SLC44A5: variants seen among roughly 807,000 people sequenced by gnomAD.
SLC44A5 encodes the protein solute carrier family 44 member 5.
Under a neutral mutation model 101.8 loss-of-function variants are expected in SLC44A5, and 57 were observed. That is an observed-to-expected ratio of 0.56 (90% CI 0.45 to 0.70). The LOEUF (loss-of-function observed/expected upper bound fraction) is 0.70, where lower values mean the gene tolerates loss of function less well. SLC44A5 is among the 30% of genes least tolerant of loss of function. The pLI, the probability that SLC44A5 is intolerant of heterozygous loss-of-function variation, is 0.00. For synonymous variants in SLC44A5, 281 were observed against 290.9 expected, an observed-to-expected ratio of 0.97 and a Z score of 0.35; for missense variants, 737 against 853.1, an observed-to-expected ratio of 0.86 and a Z score of 1.70.
chr1:75,231,685 A>G (rs951382230), intron 12 of SLC44A5, among the ~76,000 whole-genome samples: 7 of 152,324 alleles, frequency 4.6e-5, no homozygotes, highest in African/African-American at 1.7e-4. Flanking sequence ...GTAGTCACAT[A>G]TTCCTGTTAT....
chr1:75,517,359 A>G (rs1355824084), intron 2 of SLC44A5, among the ~76,000 whole-genome samples: 1 of 152,134 alleles, frequency 6.6e-6, no homozygotes, highest in African/African-American at 2.4e-5. Context: ...CCAAGGCACA[A>G]TAGATTGAAA....
intron 3 of SLC44A5, among the ~76,000 whole-genome samples, chr1:75,348,477 G>C (rs1658414428): frequency 6.6e-6 from 1 of 152,038 alleles, no homozygotes; most frequent in African/African-American, 2.4e-5. Context: ...ATCCACCATA[G>C]CCTTAAGAAT....
chr1:75,669,405 G>A, the SLC44A5 span, among the ~76,000 whole-genome samples: 1 of 152,072 alleles, frequency 6.6e-6, no homozygotes, highest in Non-Finnish European at 1.5e-5. Flanking sequence ...ACAAACTTTA[G>A]TCAAAGGCCT....
At chr1:75,357,643 G>C (rs1041369677) in intron 3 of SLC44A5, among the ~76,000 whole-genome samples, 1 of 152,136 alleles carries the variant, frequency 6.6e-6, no homozygotes. Flanking sequence ...CTGCAAGCTG[G>C]ACTTTGAAAG....
chr1:75,357,480 C>T (rs1659167096), intron 3 of SLC44A5, among the ~76,000 whole-genome samples: 1 of 152,172 alleles, frequency 6.6e-6, no homozygotes, highest in African/African-American at 2.4e-5. Flanking sequence ...AACAACTCCT[C>T]TTGTGAAGCA....
intron 4 of SLC44A5, among the ~76,000 whole-genome samples, chr1:75,308,576 G>A (rs189595182): frequency 4.5e-4 from 68 of 152,280 alleles, no homozygotes; most frequent in Non-Finnish European, 7.6e-4. Flanking sequence ...AAGTGAAAGC[G>A]AGATCACAGT....
At chr1:75,608,708 A>G (rs1024970493) in intron 1 of SLC44A5, among the ~76,000 whole-genome samples, 2 of 151,840 alleles carry the variant, frequency 1.3e-5, no homozygotes, top group African/African-American at 4.8e-5. Flanking sequence ...CATACCAGGT[A>G]TATTTTCACT....
the SLC44A5 span, chr1:75,723,734 T>A: frequency 3.3e-5 from 5 of 152,320 alleles, no homozygotes; most frequent in Admixed American, 3.3e-4. Flanking sequence ...CTTTTCCGAA[T>A]TTTCCTGGTA....
intron 2 of SLC44A5, among the ~76,000 whole-genome samples, chr1:75,448,243 A>G (rs1430014949): frequency 6.6e-6 from 1 of 152,228 alleles, no homozygotes; most frequent in Non-Finnish European, 1.5e-5. Context: ...CTATTCAAGA[A>G]TCTGGGCTTT....
intron 1 of SLC44A5, among the ~76,000 whole-genome samples, chr1:75,549,866 C>T (rs1037312072): frequency 4.0e-5 from 6 of 151,870 alleles, no homozygotes; most frequent in East Asian, 3.9e-4. Flanking sequence ...TGTAAAGGCT[C>T]GGGAAATTGG....
intron 2 of SLC44A5, among the ~76,000 whole-genome samples, chr1:75,437,618 T>C (rs1039712726): frequency 1.3e-5 from 2 of 152,110 alleles, no homozygotes; most frequent in Non-Finnish European, 2.9e-5. Flanking sequence ...CAGTTATTGT[T>C]AATGAAATAA....
intron 1 of SLC44A5, 98 bp from the exon 2 acceptor site, chr1:75,541,614 T>C (rs1671358993): frequency 1.5e-6 from 1 of 652,854 alleles, no homozygotes; most frequent in Admixed American, 3.0e-5. Context: ...CTTACTATAA[T>C]TTACTCTCCC....
At chr1:75,338,103 C>A (rs556519412) in intron 4 of SLC44A5, among the ~76,000 whole-genome samples, 1 of 152,304 alleles carries the variant, frequency 6.6e-6, no homozygotes, top group African/African-American at 2.4e-5. Flanking sequence ...CCTGGTTTTA[C>A]AATGCTTTCC....
intron 4 of SLC44A5, among the ~76,000 whole-genome samples, chr1:75,332,224 A>G (rs1282920564): frequency 1.3e-5 from 2 of 152,220 alleles, no homozygotes; most frequent in Non-Finnish European, 2.9e-5. Flanking sequence ...AGTAAAAAGA[A>G]CTGTATAATC....
At chr1:75,366,959 T>C (rs1364863305) in intron 3 of SLC44A5, among the ~76,000 whole-genome samples, 1 of 152,238 alleles carries the variant, frequency 6.6e-6, no homozygotes, top group Non-Finnish European at 1.5e-5. Context: ...CTATCTATGT[T>C]ATCTTACATC....
intron 6 of SLC44A5, among the ~76,000 whole-genome samples, chr1:75,254,627 A>C (rs201496858): frequency 6.6e-6 from 1 of 152,122 alleles, no homozygotes; most frequent in South Asian, 2.1e-4. Context: ...ACAATTTTAC[A>C]GGAGAGTTCA....
Position 75,288,109 on chromosome 1 carries a change from A to G in SLC44A5, c.175+12503T>C, listed in dbSNP as rs565047676. On this transcript the variant is annotated intron_variant, in intron 5 of 23. Transcript: ENST00000370859. ...ACAGAGCCTCAGCAGCAAGCCCAAA[A>G]AAAACTTTTATATTTGAAGGAAATA... 7.9e-5 allele frequency among the ~76,000 whole-genome samples: 12 copies of G among 152,252 alleles called. No individual in the cohort carries two copies. The South Asian group carries it at 2.5e-3, about 32-fold the overall frequency.
intron 16 of SLC44A5, 143 bp downstream of exon 16, chr1:75,219,114 T>C (rs1647023194): frequency 3.0e-6 from 2 of 657,180 alleles, no homozygotes; most frequent in East Asian, 2.7e-5. Context: ...GCTTACCTGA[T>C]GCACACTCCC....
chr1:75,615,428 CACAT>C (rs1485871471), upstream of SLC44A5, among the ~76,000 whole-genome samples: 3 of 95,888 alleles, frequency 3.1e-5, no homozygotes, highest in African/African-American at 1.1e-4. Flanking sequence ...CACACACACA[CACAT>C]ACATACACAC....
Sources: allele counts gnomAD v4.1 joint callset (sites outside exome capture counted in the v4.1 genomes callset), GRCh38; gene constraint gnomAD v4.1.1; transcripts MANE v1.5; gene names NCBI Gene and HGNC (gene_info 2026-07-23, HGNC 2026-07-21).